The following NSD3 variants were observed in gnomAD, a reference collection of about 807,000 sequenced individuals.
NSD3 encodes the protein nuclear receptor binding SET domain protein 3, also known as histone-lysine N-methyltransferase NSD3.
In NSD3, 24 loss-of-function variants were observed where a neutral mutation model predicts 160.8. The ratio of observed to expected loss-of-function variants is 0.15; its 90% CI spans 0.11 to 0.21. NSD3 has a LOEUF of 0.21. Among genes scored for constraint, NSD3 ranks in the 10% least tolerant of loss-of-function variants. The probability of loss-of-function intolerance (pLI) is 1.00; values close to 1 mark genes in which losing one functional copy is unlikely to be tolerated. For synonymous variants in NSD3, 520 were observed against 600.0 expected, an observed-to-expected ratio of 0.87 and a Z score of 1.95; for missense variants, 1,157 against 1,735.9, an observed-to-expected ratio of 0.67 and a Z score of 5.93.
intron 21 of NSD3, among the ~76,000 whole-genome samples, chr8:38,278,993 C>T (rs979878977): frequency 6.6e-6 from 1 of 152,170 alleles, no homozygotes; most frequent in African/African-American, 2.4e-5. Flanking sequence ...ACCAATTTTT[C>T]TACAAACTAA....
intron 2 of NSD3, among the ~76,000 whole-genome samples, chr8:38,345,374 G>T (rs1164417457): frequency 6.6e-6 from 1 of 151,532 alleles, no homozygotes; most frequent in African/African-American, 2.4e-5. Flanking sequence ...AGGAGACAGG[G>T]AGAGAGGGAG....
chr8:38,286,416 T>A (rs1808857554), intron 19 of NSD3, among the ~76,000 whole-genome samples: 1 of 152,100 alleles, frequency 6.6e-6, no homozygotes, highest in South Asian at 2.1e-4. Context: ...CCTTCCCTAG[T>A]CAAGCCACAG....
intron 1 of NSD3, among the ~76,000 whole-genome samples, chr8:38,381,388 C>T (rs1811551375): frequency 6.6e-6 from 1 of 151,946 alleles, no homozygotes; most frequent in Non-Finnish European, 1.5e-5. Context: ...TCCTACACTC[C>T]ATCCCCAAAT....
In NSD3 at chr8:38,317,790, C is replaced by T; in HGVS notation, c.1855+1105G>A. The T allele has an allele frequency of 7.0e-7, 1 of 1,431,532 alleles. No individual in the cohort carries two copies. The allele number at this position is 1,431,532 out of a possible 1,614,324, so 88.7% of individuals were successfully genotyped here. A position where few individuals can be genotyped will look rare whatever the true frequency, so the allele number is the denominator to read the frequency against. The stretch of plus-strand genomic sequence containing the variant: ...AAAAAAAATCATTTGACTGTTAAAG[C>T]AATTGTTCAGAGTCTTGAAGAAGAA... On this transcript the variant is annotated intron_variant, in intron 9 of 23. Coordinates refer to ENST00000317025, the MANE Select transcript of NSD3 (RefSeq NM_023034.2). The surrounding 1 kb of genome is among the most constrained non-coding windows in gnomAD (Gnocchi z 5.3).
Position 38,295,781 on chromosome 8 carries a change from C to T in NSD3, c.2915+15G>A, listed in dbSNP as rs1490059724. 1.6e-5 allele frequency: 26 copies of T among 1,610,136 alleles called. No homozygotes were observed. The highest frequency in any genetic ancestry group is 2.2e-5 in the Non-Finnish European group (26 of 1,178,326). ...AATGATTGAATACTTCCTCTTTGTT[C>T]TTGGAAAAACTTGCCTGTAATTTCC... is the stretch of plus-strand genomic sequence containing the variant. On this transcript the variant is annotated intron_variant, in intron 16 of 23. Transcript: ENST00000317025.
intron 19 of NSD3, among the ~76,000 whole-genome samples, chr8:38,286,845 C>T (rs879334989): frequency 2.0e-4 from 31 of 152,348 alleles, no homozygotes; most frequent in Admixed American, 1.3e-3. Context: ...CTGCACACAC[C>T]TTCATGGCTT....
At chr8:38,364,450 C>CA (rs1362316363) in intron 1 of NSD3, among the ~76,000 whole-genome samples, 1 of 152,206 alleles carries the variant, frequency 6.6e-6, no homozygotes. Flanking sequence ...TGTCATCTCT[C>CA]ACATAAGCAG....
rs1247073721 is a variant in NSD3 at position 38,273,802 on chromosome 8, T to G, written c.*1839A>C. Reference sequence around the variant, plus strand: ...CATTTTGCTCTTTCTTTTGGGACCATATCTAATCAACAGAAGTACTGGAAG... The same window carrying G: ...CATTTTGCTCTTTCTTTTGGGACCAGATCTAATCAACAGAAGTACTGGAAG... On this transcript the variant is annotated 3_prime_UTR_variant, in exon 24 of 24. Coordinates refer to ENST00000317025, the MANE Select transcript of NSD3 (RefSeq NM_023034.2). 1.3e-5 allele frequency: 2 copies of G among 152,188 alleles called. No homozygotes were observed. The highest frequency in any genetic ancestry group is 2.9e-5 in the Non-Finnish European group (2 of 68,020). 9.4% of individuals were successfully genotyped at this position (152,188 alleles called of 1,614,324 possible).
chr8:38,360,312 T>G (rs184746775), intron 1 of NSD3, among the ~76,000 whole-genome samples: 1 of 152,312 alleles, frequency 6.6e-6, no homozygotes, highest in East Asian at 1.9e-4. Context: ...CCCATGGTAA[T>G]GCATATACTT....
chr8:38,282,098 A>T (rs1029808503), intron 19 of NSD3, among the ~76,000 whole-genome samples: 3 of 152,250 alleles, frequency 2.0e-5, no homozygotes, highest in Non-Finnish European at 4.4e-5. Flanking sequence ...TAACTACAGT[A>T]CAATATCAAA....
chr8:38,380,253 G>A (rs1811502605), intron 1 of NSD3, among the ~76,000 whole-genome samples: 1 of 152,160 alleles, frequency 6.6e-6, no homozygotes, highest in Admixed American at 6.5e-5. Flanking sequence ...CTATAAGCAA[G>A]AGCTATCAGA....
intron 16 of NSD3, among the ~76,000 whole-genome samples, chr8:38,294,816 T>A (rs1809092196): frequency 6.6e-6 from 1 of 151,560 alleles, no homozygotes; most frequent in Admixed American, 6.6e-5. Flanking sequence ...CATCTCACTA[T>A]ATTTATTCAA....
intron 12 of NSD3, among the ~76,000 whole-genome samples, chr8:38,307,124 A>AT (rs1409109595): frequency 1.4e-4 from 20 of 146,736 alleles, no homozygotes; most frequent in Non-Finnish European, 1.5e-4. Context: ...CAAAAAAAAA[A>AT]AAAATAAAAT....
chr8:38,306,288 G>C (rs1346110139), intron 12 of NSD3, among the ~76,000 whole-genome samples: 1 of 151,894 alleles, frequency 6.6e-6, no homozygotes, highest in African/African-American at 2.4e-5. Flanking sequence ...TAATAAATTT[G>C]AAAATTTAGA....
intron 12 of NSD3, 33 bp downstream of exon 12, chr8:38,314,614 T>A: frequency 6.2e-7 from 1 of 1,613,448 alleles, no homozygotes; most frequent in South Asian, 1.1e-5. Context: ...ATCCCATTCA[T>A]CTTTTCATGA....
chr8:38,299,681 T>C, intron 14 of NSD3, 91 bp from the exon 15 acceptor site: 1 of 1,298,466 alleles, frequency 7.7e-7, no homozygotes, highest in African/African-American at 1.5e-5. Flanking sequence ...TATGTATGCT[T>C]CAAAGCTGGG....
intron 1 of NSD3, among the ~76,000 whole-genome samples, chr8:38,356,867 C>T (rs758617363): frequency 6.6e-6 from 1 of 151,584 alleles, no homozygotes; most frequent in Non-Finnish European, 1.5e-5. Context: ...GCTTGTAATC[C>T]CAGCACTTTG....
intron 12 of NSD3, among the ~76,000 whole-genome samples, chr8:38,306,979 G>A (rs1414573711): frequency 1.3e-5 from 2 of 151,744 alleles, no homozygotes; most frequent in Middle Eastern, 3.2e-3. Flanking sequence ...GCCGGGTGTG[G>A]TGGCGGGCGC....
chr8:38,353,306 C>G (rs1810746276), intron 1 of NSD3, among the ~76,000 whole-genome samples: 1 of 152,170 alleles, frequency 6.6e-6, no homozygotes, highest in Admixed American at 6.5e-5. Flanking sequence ...TAGCTCACAG[C>G]AACAGACATA....
Sources: allele counts gnomAD v4.1 joint callset (sites outside exome capture counted in the v4.1 genomes callset), GRCh38; gene constraint gnomAD v4.1.1; non-coding constraint Gnocchi (gnomAD v3.1); transcripts MANE v1.5; gene names NCBI Gene and HGNC (gene_info 2026-07-23, HGNC 2026-07-21).